GBF1: variants seen among roughly 807,000 people sequenced by gnomAD.
GBF1 encodes the protein golgi brefeldin A resistant guanine nucleotide exchange factor 1.
GBF1 carries 114 observed loss-of-function variants against 210.5 expected under a neutral mutation model. The ratio of observed to expected loss-of-function variants is 0.54; its 90% confidence interval spans 0.47 to 0.63. GBF1 has a LOEUF of 0.63. GBF1 is among the 30% of genes least tolerant of loss of function. The probability of loss-of-function intolerance (pLI) is 0.00; values close to 1 mark genes in which losing one functional copy is unlikely to be tolerated. For synonymous variants in GBF1, 850 were observed against 889.2 expected (o/e 0.96, Z 0.78); for missense variants, 1,851 against 2,357.7 (o/e 0.79, Z 4.45).
At chr10:102,340,493 T>G (rs1257028358) in intron 3 of GBF1, among the ~76,000 whole-genome samples, 1 of 151,720 alleles carries the variant, frequency 6.6e-6, no homozygotes, top group Non-Finnish European at 1.5e-5. Context: ...CAGGATGGTC[T>G]CGATCTCCTG....
chr10:102,380,249 G>A lies in GBF1; in HGVS notation c.4879G>A (p.Val1627Ile), dbSNP rs2060762675. 6 of 1,608,504 alleles carry A rather than the reference G, an allele frequency of 3.7e-6. No homozygotes were observed. The African/African-American group carries it at 4.0e-5, about 11-fold the overall frequency. The stretch of plus-strand genomic sequence containing the variant: ...GCTGAAGGGGGCTGGTGGGCCATAG[G>A]TCTTCCTGCAGCACCTGTCTCCACT... ...RMRASTLLSKVFLQHLSPLLS... is the reference protein window; with the variant it reads ...RMRASTLLSKIFLQHLSPLLS... The change falls in exon 37 of 40, where the codon GTC (valine) becomes ATC (isoleucine). Residue 1627 changes from valine (V) to isoleucine (I), a missense_variant and splice_region_variant. Val to Ile is a conservative substitution (Grantham distance 29). This residue lies in a region of GBF1 where 967 missense variants were observed against 1,247.7 expected (regional missense o/e 0.78). Transcript: ENST00000369983.
intron 3 of GBF1, among the ~76,000 whole-genome samples, chr10:102,335,685 G>A (rs954623147): frequency 6.6e-6 from 1 of 152,156 alleles, no homozygotes; most frequent in African/African-American, 2.4e-5. Flanking sequence ...GGGACATCTC[G>A]TTATCCTTTC....
intron 3 of GBF1, among the ~76,000 whole-genome samples, chr10:102,310,914 C>T (rs1039167151): frequency 3.9e-5 from 6 of 152,194 alleles, no homozygotes; most frequent in Admixed American, 2.0e-4. Context: ...ATTCCTGGAG[C>T]CTGATGCATC....
At chr10:102,346,484 G>A (rs2058581351) in intron 4 of GBF1, among the ~76,000 whole-genome samples, 1 of 152,068 alleles carries the variant, frequency 6.6e-6, no homozygotes, top group Non-Finnish European at 1.5e-5. Context: ...TTTTATTTGT[G>A]CCAACTTGGT....
At chr10:102,381,376 T>C (rs1354202340) in intron 39 of GBF1, 121 bp downstream of exon 39, 3 of 927,772 alleles carry the variant, frequency 3.2e-6, no homozygotes, top group Non-Finnish European at 4.9e-6. Context: ...AGAAGGCCAC[T>C]AGAGAGAACT....
At chr10:102,339,665 C>CA (rs572753596) in intron 3 of GBF1, among the ~76,000 whole-genome samples, 2,025 of 134,792 alleles carry the variant, frequency 0.015, 17 homozygotes, top group Non-Finnish European at 0.022. Flanking sequence ...GACTCCGTCT[C>CA]AAAAAAAAAA....
At chr10:102,323,688 G>A (rs1008094354) in intron 3 of GBF1, among the ~76,000 whole-genome samples, 1 of 151,346 alleles carries the variant, frequency 6.6e-6, no homozygotes, top group Non-Finnish European at 1.5e-5. Flanking sequence ...TTACAGGCGT[G>A]AGCCACCATG....
chr10:102,373,288 A>C (rs1006434657), intron 29 of GBF1, among the ~76,000 whole-genome samples: 3 of 152,244 alleles, frequency 2.0e-5, no homozygotes, highest in African/African-American at 7.2e-5. Flanking sequence ...AGAGTACTGC[A>C]AACTAAAACC....
intron 3 of GBF1, among the ~76,000 whole-genome samples, chr10:102,293,490 A>T (rs111403932): frequency 4.9e-4 from 75 of 152,256 alleles, no homozygotes; most frequent in African/African-American, 1.8e-3. Flanking sequence ...AGCTTTAGAC[A>T]GGTCTTTCAG....
At chr10:102,299,304 AGGGGTTGGTGGTG>A (rs1335411278) in intron 3 of GBF1, among the ~76,000 whole-genome samples, 3 of 152,172 alleles carry the variant, frequency 2.0e-5, no homozygotes, top group Non-Finnish European at 4.4e-5. Flanking sequence ...CATGATTGCC[AGGGGTTGGTGGTG>A]GGGAAAGCGT....
chr10:102,261,275 T>TAC (rs1186321224), intron 3 of GBF1, among the ~76,000 whole-genome samples: 15 of 151,798 alleles, frequency 9.9e-5, no homozygotes, highest in African/African-American at 3.6e-4. Flanking sequence ...TATGTATATA[T>TAC]ATACACACAC....
intron 3 of GBF1, among the ~76,000 whole-genome samples, chr10:102,324,036 G>T (rs764685652): frequency 3.3e-5 from 5 of 152,064 alleles, no homozygotes; most frequent in African/African-American, 4.8e-5. Flanking sequence ...CTCTTATACT[G>T]GTGCAAGTGG....
intron 3 of GBF1, among the ~76,000 whole-genome samples, chr10:102,301,592 G>A (rs1289137402): frequency 1.3e-5 from 2 of 152,156 alleles, no homozygotes; most frequent in African/African-American, 4.8e-5. Flanking sequence ...CTCAGACGGG[G>A]CGGCCGGGCA....
chr10:102,310,661 A>G (rs1293040208), intron 3 of GBF1, among the ~76,000 whole-genome samples: 1 of 152,136 alleles, frequency 6.6e-6, no homozygotes, highest in Admixed American at 6.5e-5. Context: ...ACTGTTCTTT[A>G]TCACCCCCAA....
chr10:102,260,751 A>G (rs956068350), intron 3 of GBF1, among the ~76,000 whole-genome samples: 2 of 151,008 alleles, frequency 1.3e-5, no homozygotes, highest in African/African-American at 4.9e-5. Flanking sequence ...TGCTGGGATT[A>G]CAGGAATGAG....
intron 1 of GBF1, among the ~76,000 whole-genome samples, chr10:102,250,916 C>T (rs1423567111): frequency 6.6e-6 from 1 of 151,796 alleles, no homozygotes; most frequent in Non-Finnish European, 1.5e-5. Context: ...GAGATTGCGC[C>T]ACTGCACTCC....
At chr10:102,288,531 G>A (rs1380240829) in intron 3 of GBF1, among the ~76,000 whole-genome samples, 1 of 151,488 alleles carries the variant, frequency 6.6e-6, no homozygotes, top group East Asian at 1.9e-4. Context: ...CTAACAAGGT[G>A]AAACCCCGTC....
the GBF1 span, among the ~76,000 whole-genome samples, chr10:102,233,856 A>G: frequency 6.6e-6 from 1 of 152,110 alleles, no homozygotes; most frequent in African/African-American, 2.4e-5. Context: ...ATTGCCCAGG[A>G]GCCTCCCAGG....
intron 3 of GBF1, among the ~76,000 whole-genome samples, chr10:102,284,550 C>A (rs1331465776): frequency 6.6e-6 from 1 of 152,122 alleles, no homozygotes; most frequent in Non-Finnish European, 1.5e-5. Context: ...TTTCTCTTAG[C>A]ATAATGTTTT....
Sources: allele counts gnomAD v4.1 joint callset (sites outside exome capture counted in the v4.1 genomes callset), GRCh38; gene constraint gnomAD v4.1.1; regional missense constraint gnomAD v4.1.1; transcripts MANE v1.5; gene names NCBI Gene and HGNC (gene_info 2026-07-23, HGNC 2026-07-21).